ACSM2B: variants seen among roughly 807,000 people sequenced by gnomAD.
ACSM2B encodes the protein acyl-CoA synthetase medium chain family member 2B.
A neutral mutation model predicts 78.6 loss-of-function variants in ACSM2B; 58 were observed. That is an observed-to-expected ratio of 0.74 (90% CI 0.60 to 0.92). The LOEUF (loss-of-function observed/expected upper bound fraction) is 0.92. Among genes scored for constraint, ACSM2B ranks in the 40% least tolerant of loss-of-function variants. ACSM2B has a pLI of 0.00. For synonymous variants in ACSM2B, 257 were observed against 256.8 expected, an observed-to-expected ratio of 1.00 and a Z score of -0.01; for missense variants, 688 against 711.2, an observed-to-expected ratio of 0.97 and a Z score of 0.37.
chr16:20,558,567 G>A (rs2015545631), intron 3 of ACSM2B, among the ~76,000 whole-genome samples: 2 of 151,878 alleles, frequency 1.3e-5, no homozygotes, highest in Non-Finnish European at 2.9e-5. Flanking sequence ...CCCTTTGCTT[G>A]GCACAAGCCT....
intron 2 of ACSM2B, 133 bp downstream of exon 2, chr16:20,564,536 T>G (rs759180241): frequency 6.8e-7 from 1 of 1,473,078 alleles, no homozygotes; most frequent in Non-Finnish European, 9.0e-7. Context: ...TCATGGAAGA[T>G]GAGTGTCTTG....
intron 4 of ACSM2B, chr16:20,554,164 G>A (rs752050809): frequency 1.5e-6 from 1 of 667,370 alleles, no homozygotes; most frequent in South Asian, 1.5e-5. Context: ...ACTTCTCTGT[G>A]TCTCACTTTA....
chr16:20,559,273 C>G lies in ACSM2B; in HGVS notation c.352G>C (p.Glu118Gln). 1.2e-6 allele frequency: 2 copies of G among 1,613,628 alleles called. No homozygotes were observed. Among genetic ancestry groups the G allele is most frequent in the African/African-American group, 2.7e-5 (2 of 74,998 alleles). Residue 118 changes from glutamate to glutamine, a missense_variant, in exon 3 of 14, where the codon GAG (glutamate) becomes CAG (glutamine). Glu to Gln is a conservative substitution (Grantham distance 29). Transcript: ENST00000329697. ...CAGCCCAGGATCACCAGCCACCACT[C>G]AGGCACTCGGGGCAGCATCACTGCC... ...RVAVMLPRVP[E>Q]WWLVILGCIR...
At chr16:20,543,572 A>G (rs1324528163) in intron 10 of ACSM2B, among the ~76,000 whole-genome samples, 9 of 152,178 alleles carry the variant, frequency 5.9e-5, no homozygotes, top group Non-Finnish European at 1.5e-5. Flanking sequence ...CTCTCCTTTC[A>G]TAGATATCCT....
intron 2 of ACSM2B, among the ~76,000 whole-genome samples, chr16:20,562,031 G>C (rs2015673499): frequency 1.3e-5 from 2 of 151,708 alleles, no homozygotes; most frequent in Non-Finnish European, 2.9e-5. Context: ...TTTGTTGACA[G>C]ATATTTGGGC....
At chr16:20,561,143 C>G (rs10163324) in intron 2 of ACSM2B, among the ~76,000 whole-genome samples, 86,698 of 151,996 alleles carry the variant, frequency 0.57, 28,648 homozygotes, top group Non-Finnish European at 0.74. Context: ...CATGCATAAA[C>G]CTTGAAGACA....
At chr16:20,560,644 A>C (rs2015624780) in intron 2 of ACSM2B, among the ~76,000 whole-genome samples, 1 of 152,110 alleles carries the variant, frequency 6.6e-6, no homozygotes, top group Non-Finnish European at 1.5e-5. Flanking sequence ...AGTCCGATAC[A>C]GAAAATTGGT....
At chr16:20,572,930 G>A (rs202201802) in intron 1 of ACSM2B, among the ~76,000 whole-genome samples, 67 of 148,840 alleles carry the variant, frequency 4.5e-4, no homozygotes, top group African/African-American at 1.6e-3. Flanking sequence ...TTGTTTTTAT[G>A]TATGCTATCT....
chr16:20,551,707 C>T (rs972032906), intron 6 of ACSM2B, among the ~76,000 whole-genome samples: 2 of 152,116 alleles, frequency 1.3e-5, no homozygotes, highest in African/African-American at 4.8e-5. Context: ...ACTCTGTGCA[C>T]TTTACCTTCA....
intron 6 of ACSM2B, chr16:20,550,008 A>C (rs867142485): frequency 3.6e-6 from 1 of 275,768 alleles, no homozygotes; most frequent in African/African-American, 2.3e-5. Context: ...ATTTTTTTTT[A>C]TCAGACTTAA....
chr16:20,546,273 CTGA>C, intron 9 of ACSM2B, 118 bp downstream of exon 9: 11 of 1,439,680 alleles, frequency 7.6e-6, no homozygotes, highest in Non-Finnish European at 8.3e-6. Context: ...TCCCTTTTTT[CTGA>C]TATTATCTTA....
intron 3 of ACSM2B, 114 bp downstream of exon 3, chr16:20,559,123 G>C (rs1263442872): frequency 3.2e-5 from 47 of 1,461,956 alleles, no homozygotes; most frequent in Middle Eastern, 2.3e-4. Context: ...TCATATGAGA[G>C]AGGACAGCAT....
chr16:20,570,846 T>C (rs1038473137), intron 1 of ACSM2B, among the ~76,000 whole-genome samples: 13 of 151,966 alleles, frequency 8.6e-5, no homozygotes, highest in African/African-American at 2.9e-4. Context: ...CTAAGTTTTT[T>C]AGTTTATGTG....
Position 20,543,232 on chromosome 16 carries a change from G to A in ACSM2B, c.1312C>T (p.Arg438Ter), listed in dbSNP as rs375700760. Residue 438 changes from arginine (R) to a stop codon, truncating the protein, a stop_gained, in exon 11 of 14, where the codon CGA becomes TGA. Coordinates refer to ENST00000329697, the MANE Select transcript of ACSM2B (RefSeq NM_001105069.2). LOFTEE classifies it high-confidence loss of function. Reference sequence around the variant, plus strand: ...TCTCCAAGGAGCCAAAAGTCTCCTCGAATGTTGGCTGCTGTCTTGTCGGGA... The same window carrying A: ...TCTCCAAGGAGCCAAAAGTCTCCTCAAATGTTGGCTGCTGTCTTGTCGGGA... ...ENPDKTAANIRGDFWLLGDRG... is the reference protein window; with the variant it reads ...ENPDKTAANI The A allele has an allele frequency of 3.3e-5, 53 of 1,613,720 alleles. No homozygotes were observed. The highest frequency in any genetic ancestry group is 9.9e-5 in the South Asian group (9 of 91,074).
intron 3 of ACSM2B, among the ~76,000 whole-genome samples, chr16:20,556,847 T>G (rs1438449767): frequency 6.6e-6 from 1 of 152,134 alleles, no homozygotes; most frequent in Admixed American, 6.5e-5. Flanking sequence ...CCTTTCCTTC[T>G]GGCTATAATT....
intron 6 of ACSM2B, among the ~76,000 whole-genome samples, chr16:20,550,346 T>C (rs2015271987): frequency 6.6e-6 from 1 of 152,268 alleles, no homozygotes; most frequent in Admixed American, 6.5e-5. Context: ...GATCCCATAT[T>C]CCTTATTGCT....
intron 9 of ACSM2B, 140 bp downstream of exon 9, chr16:20,546,254 C>T: frequency 1.4e-6 from 2 of 1,414,776 alleles, no homozygotes; most frequent in Non-Finnish European, 1.9e-6. Context: ...TCCCCCTAAC[C>T]TCCCTCCGTC....
intron 3 of ACSM2B, among the ~76,000 whole-genome samples, chr16:20,558,691 A>T (rs28716592): frequency 6.6e-6 from 1 of 152,144 alleles, no homozygotes; most frequent in Non-Finnish European, 1.5e-5. Context: ...TTAGAAAAGC[A>T]TTGGCAAACT....
intron 6 of ACSM2B, among the ~76,000 whole-genome samples, chr16:20,550,816 G>A (rs1454316055): frequency 6.6e-6 from 1 of 152,102 alleles, no homozygotes; most frequent in African/African-American, 2.4e-5. Flanking sequence ...TGTTGCTACA[G>A]GATAAAGCAT....
Sources: allele counts gnomAD v4.1 joint callset (sites outside exome capture counted in the v4.1 genomes callset), GRCh38; gene constraint gnomAD v4.1.1; transcripts MANE v1.5; gene names NCBI Gene and HGNC (gene_info 2026-07-23, HGNC 2026-07-21).